KLHL1: variants seen among roughly 807,000 people sequenced by gnomAD.
KLHL1 encodes kelch-like protein 1.
Under a neutral mutation model 77.7 loss-of-function variants are expected in KLHL1, and 47 were observed. The ratio of observed to expected loss-of-function variants is 0.60; its 90% CI spans 0.48 to 0.77. KLHL1 has a LOEUF of 0.77. Among genes scored for constraint, KLHL1 ranks in the 30% least tolerant of loss-of-function variants. The probability of loss-of-function intolerance (pLI) is 0.00; values close to 1 mark genes in which losing one functional copy is unlikely to be tolerated. For missense variants in KLHL1, 925 were observed against 910.8 expected, an observed-to-expected ratio of 1.02 and a Z score of -0.20; for synonymous variants, 360 against 325.2, an observed-to-expected ratio of 1.11 and a Z score of -1.15.
At chr13:69,886,112 A>AT (rs1157381239) in intron 4 of KLHL1, among the ~76,000 whole-genome samples, 2 of 152,144 alleles carry the variant, frequency 1.3e-5, no homozygotes, top group African/African-American at 4.8e-5. Context: ...TGATGGTCTT[A>AT]TATGTATGAT....
At chr13:70,004,085 C>A (rs1386989206) in intron 1 of KLHL1, among the ~76,000 whole-genome samples, 1 of 151,724 alleles carries the variant, frequency 6.6e-6, no homozygotes. Context: ...TGAGGCCTAC[C>A]TTTAAGGCCA....
chr13:69,949,887 T>C (rs770901678), intron 3 of KLHL1, among the ~76,000 whole-genome samples: 5 of 151,806 alleles, frequency 3.3e-5, no homozygotes, highest in Admixed American at 6.6e-5. Context: ...TTATTCCTTA[T>C]TGCAAATTTG....
intron 3 of KLHL1, among the ~76,000 whole-genome samples, chr13:69,960,109 A>C (rs1226304500): frequency 7.3e-5 from 2 of 27,238 alleles, no homozygotes; most frequent in Non-Finnish European, 1.6e-4. Flanking sequence ...GAGCATGTGT[A>C]CTTTTTTTTT....
At chr13:70,068,769 T>C (rs1325811992) in intron 1 of KLHL1, among the ~76,000 whole-genome samples, 2 of 152,202 alleles carry the variant, frequency 1.3e-5, no homozygotes, top group African/African-American at 4.8e-5. Flanking sequence ...TATCAGTTTT[T>C]CCTCCACATA....
At chr13:70,005,502 T>C (rs1593667595) in intron 1 of KLHL1, among the ~76,000 whole-genome samples, 2 of 152,062 alleles carry the variant, frequency 1.3e-5, no homozygotes, top group African/African-American at 4.8e-5. Context: ...CAGCTATAAT[T>C]AGTGTTTGTG....
intron 3 of KLHL1, among the ~76,000 whole-genome samples, chr13:69,940,750 T>C (rs1321207117): frequency 6.6e-6 from 1 of 151,210 alleles, no homozygotes; most frequent in African/African-American, 2.4e-5. Flanking sequence ...TTTAGTTTTT[T>C]CTTTGTTTTT....
intron 1 of KLHL1, among the ~76,000 whole-genome samples, chr13:70,057,800 A>AG (rs1348819929): frequency 1.0e-4 from 15 of 149,652 alleles, no homozygotes; most frequent in Non-Finnish European, 1.5e-5. Context: ...AAAAAAAAAA[A>AG]AAAAAGAAAG....
chr13:69,971,369 T>A (rs1884376683), intron 2 of KLHL1, among the ~76,000 whole-genome samples: 1 of 152,022 alleles, frequency 6.6e-6, no homozygotes, highest in African/African-American at 2.4e-5. Context: ...TACATTAGCT[T>A]CTAATTAAAC....
intron 7 of KLHL1, among the ~76,000 whole-genome samples, chr13:69,787,353 C>T (rs1316161590): frequency 6.6e-6 from 1 of 152,116 alleles, no homozygotes; most frequent in African/African-American, 2.4e-5. Context: ...AGAAATAATG[C>T]CGCATGTCTA....
In KLHL1 at chr13:69,788,995, A is replaced by G. The variant is rs115928344; in HGVS notation, c.1639+7743T>C. The stretch of plus-strand genomic sequence containing the variant: ...TCTCAGGAGAATTCAGGAGAAAAAG[A>G]TAAACACTGGACTCCACAGGACTCT... On this transcript the variant is annotated intron_variant, in intron 7 of 10. Transcript: ENST00000377844. Among the ~76,000 whole-genome samples the G allele has an allele frequency of 9.7e-3, 1,462 of 150,220 alleles. 25 individuals are homozygous for G. Among genetic ancestry groups the G allele is most frequent in the African/African-American group, 0.034 (1,374 of 40,970 alleles).
At chr13:69,837,673 T>TACACATACATAC (rs1312339989) in intron 6 of KLHL1, among the ~76,000 whole-genome samples, 3 of 127,208 alleles carry the variant, frequency 2.4e-5, no homozygotes, top group African/African-American at 7.2e-5. Flanking sequence ...TGTGTGTGTA[T>TACACATACATAC]ATATATATAT....
chr13:69,778,965 A>G (rs1234761342), intron 7 of KLHL1, among the ~76,000 whole-genome samples: 1 of 151,422 alleles, frequency 6.6e-6, no homozygotes, highest in Non-Finnish European at 1.5e-5. Context: ...TACCCAGATT[A>G]TTTTTTGTAT....
intron 9 of KLHL1, among the ~76,000 whole-genome samples, chr13:69,717,218 G>T (rs1435797649): frequency 6.6e-6 from 1 of 152,070 alleles, no homozygotes; most frequent in Non-Finnish European, 1.5e-5. Flanking sequence ...ACATAGCATT[G>T]CACACTATTC....
chr13:70,019,857 T>C (rs1271396018), intron 1 of KLHL1, among the ~76,000 whole-genome samples: 2 of 152,206 alleles, frequency 1.3e-5, no homozygotes, highest in East Asian at 3.8e-4. Context: ...TTAAGATATG[T>C]ATATGGCTTT....
rs541523803 is a variant in KLHL1 at position 69,829,926 on chromosome 13, G to C, written c.1414+9050C>G. Reference sequence around the variant, plus strand: ...GAGAGAATTTGGCACTGCCAAGCCAGCACTACAAGAACTGCTAAAAGGAGT... The same window carrying C: ...GAGAGAATTTGGCACTGCCAAGCCACCACTACAAGAACTGCTAAAAGGAGT... On this transcript the variant is annotated intron_variant, in intron 6 of 10. Transcript: ENST00000377844. 5.3e-4 allele frequency among the ~76,000 whole-genome samples: 79 copies of C among 150,148 alleles called. 6 individuals are homozygous for C. The highest frequency in any genetic ancestry group is 1.8e-3 in the African/African-American group (72 of 40,070).
intron 1 of KLHL1, among the ~76,000 whole-genome samples, chr13:69,982,476 T>TAATAATAATAATAA (rs1474122878): frequency 1.8e-4 from 24 of 135,634 alleles, no homozygotes; most frequent in African/African-American, 6.4e-4. Flanking sequence ...ATAATAATAA[T>TAATAATAATAATAA]AATAAAATAA....
intron 6 of KLHL1, among the ~76,000 whole-genome samples, chr13:69,797,746 A>G (rs1286980120): frequency 1.3e-5 from 2 of 148,990 alleles, no homozygotes; most frequent in Non-Finnish European, 2.9e-5. Context: ...GGAGAATGGC[A>G]TGAACCCGGG....
intron 1 of KLHL1, among the ~76,000 whole-genome samples, chr13:69,987,126 C>T (rs1884893056): frequency 6.6e-6 from 1 of 151,816 alleles, no homozygotes; most frequent in African/African-American, 2.4e-5. Flanking sequence ...TTAATGTTTG[C>T]CAGAAATGAA....
At chr13:69,760,010 C>T (rs1874945042) in intron 7 of KLHL1, among the ~76,000 whole-genome samples, 2 of 152,274 alleles carry the variant, frequency 1.3e-5, no homozygotes, top group South Asian at 2.1e-4. Flanking sequence ...AAGACACCCT[C>T]ACGAATGGAG....
Sources: allele counts gnomAD v4.1 joint callset (sites outside exome capture counted in the v4.1 genomes callset), GRCh38; gene constraint gnomAD v4.1.1; transcripts MANE v1.5; gene names NCBI Gene and HGNC (gene_info 2026-07-23, HGNC 2026-07-21).